The following SLC24A3 variants were observed in gnomAD, a reference collection of about 807,000 sequenced individuals.
SLC24A3 encodes sodium/potassium/calcium exchanger 3.
A neutral mutation model predicts 75.8 loss-of-function variants in SLC24A3; 28 were observed. That is an observed-to-expected ratio of 0.37 (90% CI 0.27 to 0.51). The LOEUF (loss-of-function observed/expected upper bound fraction) is 0.51, where lower values mean the gene tolerates loss of function less well. SLC24A3 is among the 20% of genes least tolerant of loss of function. The pLI is 0.94. For synonymous variants in SLC24A3, 372 were observed against 334.1 expected, an observed-to-expected ratio of 1.11 and a Z score of -1.24; for missense variants, 663 against 847.8, an observed-to-expected ratio of 0.78 and a Z score of 2.71.
chr20:19,683,291 C>G (rs1457885260), intron 10 of SLC24A3, among the ~76,000 whole-genome samples: 20 of 152,190 alleles, frequency 1.3e-4, no homozygotes, highest in Admixed American at 1.3e-3. Context: ...CTAGTATTAG[C>G]CAGTGTTTCC....
At chr20:19,580,106 C>G in intron 4 of SLC24A3, 32 bp downstream of exon 4, 1 of 1,584,684 alleles carries the variant, frequency 6.3e-7, no homozygotes, top group Non-Finnish European at 8.7e-7. Flanking sequence ...TATGTGTGAG[C>G]CAGACTGGGG....
intron 1 of SLC24A3, among the ~76,000 whole-genome samples, chr20:19,278,133 T>C (rs1983543579): frequency 6.6e-6 from 1 of 152,204 alleles, no homozygotes. Context: ...ACCTTGGACA[T>C]CCATGTGGCA....
In SLC24A3 at chr20:19,665,957, A is replaced by G. The variant is rs374446270; in HGVS notation, c.713+68A>G. Reference sequence around the variant, plus strand: ...TGCAGAGCCAAATATATTGAAGACCAGTGTTGGGATTCAAGAAAGAAAGGG... The same window carrying G: ...TGCAGAGCCAAATATATTGAAGACCGGTGTTGGGATTCAAGAAAGAAAGGG... On this transcript the variant is annotated intron_variant, in intron 8 of 16. Coordinates refer to ENST00000328041, the MANE Select transcript of SLC24A3 (RefSeq NM_020689.4). 762 of 1,532,540 alleles carry G rather than the reference A, an allele frequency of 5.0e-4. 1 individual carries two copies. The highest frequency in any genetic ancestry group is 6.4e-4 in the Non-Finnish European group (715 of 1,119,392). 94.9% of individuals were successfully genotyped at this position (1,532,540 alleles called of 1,614,324 possible).
chr20:19,258,994 G>A (rs1044593947), intron 1 of SLC24A3, among the ~76,000 whole-genome samples: 9 of 152,202 alleles, frequency 5.9e-5, no homozygotes, highest in Non-Finnish European at 1.2e-4. Flanking sequence ...ACAGGGACAA[G>A]CCTTGTTTCA....
chr20:19,320,796 A>G lies in SLC24A3; in HGVS notation c.271+39709A>G, dbSNP rs373028893. Among the ~76,000 whole-genome samples, 3 of 151,972 alleles carry G rather than the reference A, an allele frequency of 2.0e-5. No homozygotes were observed. The East Asian group carries it at 5.8e-4, about 29-fold the overall frequency. ...GCTATGTAAGTAGTTGTTTTACTGTATTGTTTAGGGAATAATTACGAGAAA... is the reference window on the plus strand; with the variant it reads ...GCTATGTAAGTAGTTGTTTTACTGTGTTGTTTAGGGAATAATTACGAGAAA... On this transcript the variant is annotated intron_variant, in intron 2 of 16. Coordinates refer to ENST00000328041, the MANE Select transcript of SLC24A3 (RefSeq NM_020689.4).
At chr20:19,528,529 G>C (rs765805209) in intron 3 of SLC24A3, among the ~76,000 whole-genome samples, 1 of 152,118 alleles carries the variant, frequency 6.6e-6, no homozygotes, top group Non-Finnish European at 1.5e-5. Context: ...AGGTCTACAC[G>C]TGGCCCTCAC....
rs1003521959 is a variant in SLC24A3 at position 19,252,644 on chromosome 20, G to GGC, written c.143-28314_143-28313insCG. On this transcript the variant is annotated intron_variant, in intron 1 of 16. Transcript: ENST00000328041. The stretch of plus-strand genomic sequence containing the variant: ...ACAAAAAGCCTGAAATTGGAATGGC[G>GGC]GGGGGGGGTGCCTGTTCCAGAAACT... Among the ~76,000 whole-genome samples, 316 of 59,332 alleles carry GGC rather than the reference G, an allele frequency of 5.3e-3. 11 individuals carry two copies. The East Asian group carries it at 0.36, about 68-fold the overall frequency. The allele number at this position is 59,332 out of a possible 152,430, so 38.9% of individuals were successfully genotyped here.
chr20:19,414,921 A>T (rs997448465), intron 2 of SLC24A3, among the ~76,000 whole-genome samples: 1 of 152,244 alleles, frequency 6.6e-6, no homozygotes, highest in Non-Finnish European at 1.5e-5. Context: ...ATAAATAATT[A>T]TCTTGACTTT....
intron 3 of SLC24A3, among the ~76,000 whole-genome samples, chr20:19,546,235 C>G (rs899237117): frequency 1.3e-5 from 2 of 148,372 alleles, no homozygotes; most frequent in Non-Finnish European, 3.0e-5. Flanking sequence ...CTCCAGGACG[C>G]AGGATGTGGC....
At chr20:19,612,204 A>G (rs1464419022) in intron 6 of SLC24A3, among the ~76,000 whole-genome samples, 1 of 152,174 alleles carries the variant, frequency 6.6e-6, no homozygotes, top group Admixed American at 6.5e-5. Context: ...AGCAGCTCTA[A>G]CAAACCTTGG....
chr20:19,508,328 A>G (rs1263775147), intron 2 of SLC24A3, among the ~76,000 whole-genome samples: 1 of 152,140 alleles, frequency 6.6e-6, no homozygotes, highest in Non-Finnish European at 1.5e-5. Context: ...TGTCATGAGA[A>G]GGTCACTGGG....
chr20:19,683,856 T>C (rs1309525938), intron 10 of SLC24A3, among the ~76,000 whole-genome samples: 2 of 152,206 alleles, frequency 1.3e-5, no homozygotes, highest in African/African-American at 2.4e-5. Context: ...ATTTTGACTC[T>C]TGTTCAAAAT....
At chr20:19,217,895 A>G (rs559965746) in intron 1 of SLC24A3, among the ~76,000 whole-genome samples, 2 of 152,254 alleles carry the variant, frequency 1.3e-5, no homozygotes, top group African/African-American at 4.8e-5. Flanking sequence ...GGGTCCCTCC[A>G]TTTCTCTGAA....
At chr20:19,686,210 G>A (rs546851110) in intron 12 of SLC24A3, among the ~76,000 whole-genome samples, 5 of 152,292 alleles carry the variant, frequency 3.3e-5, no homozygotes, top group Middle Eastern at 3.4e-3. Flanking sequence ...GGAGAGGCAC[G>A]TCACTCACCT....
chr20:19,330,619 T>C (rs1984976760), intron 2 of SLC24A3, among the ~76,000 whole-genome samples: 1 of 152,224 alleles, frequency 6.6e-6, no homozygotes, highest in Non-Finnish European at 1.5e-5. Flanking sequence ...TTGCTTTCAG[T>C]AGAACACTGA....
intron 1 of SLC24A3, among the ~76,000 whole-genome samples, chr20:19,219,483 G>A (rs1361508779): frequency 1.3e-5 from 2 of 152,190 alleles, no homozygotes; most frequent in African/African-American, 4.8e-5. Context: ...GCTCAAGCTT[G>A]AGTGAGAAGA....
chr20:19,676,246 G>A (rs2032522348), intron 9 of SLC24A3, among the ~76,000 whole-genome samples: 1 of 152,160 alleles, frequency 6.6e-6, no homozygotes, highest in Non-Finnish European at 1.5e-5. Context: ...GGCAGGACAC[G>A]TGTACAGTAA....
At chr20:19,585,605 A>G in intron 6 of SLC24A3, 61 bp downstream of exon 6, 1 of 1,499,514 alleles carries the variant, frequency 6.7e-7, no homozygotes, top group Non-Finnish European at 9.2e-7. Flanking sequence ...GGAGGCATGG[A>G]GTTTAGGCAG....
At chr20:19,467,384 T>G (rs546878966) in intron 2 of SLC24A3, among the ~76,000 whole-genome samples, 3 of 152,188 alleles carry the variant, frequency 2.0e-5, no homozygotes, top group Non-Finnish European at 4.4e-5. Flanking sequence ...CAGAGAAGAC[T>G]GGGTTGTACA....
Sources: gnomAD v4.1 joint callset for allele counts (sites outside exome capture counted in the v4.1 genomes callset) on GRCh38, gnomAD v4.1.1 for gene constraint, MANE v1.5 for transcripts, NCBI Gene and HGNC (gene_info 2026-07-23, HGNC 2026-07-21) for gene names.